The following ST18 variants were observed in gnomAD, a reference collection of about 807,000 sequenced individuals.
ST18 encodes the protein suppression of tumorigenicity 18 protein.
Under a neutral mutation model 110.0 loss-of-function variants are expected in ST18, and 50 were observed. The ratio of observed to expected loss-of-function variants is 0.45; its 90% CI spans 0.36 to 0.58. The LOEUF (loss-of-function observed/expected upper bound fraction) is 0.58, where lower values mean the gene tolerates loss of function less well. Ranked by LOEUF, ST18 falls within the 20% of genes least tolerant of loss-of-function variation. The pLI is 0.00. For synonymous variants in ST18, 461 were observed against 452.4 expected, an observed-to-expected ratio of 1.02 and a Z score of -0.24; for missense variants, 1,306 against 1,280.1, an observed-to-expected ratio of 1.02 and a Z score of -0.31.
At chr8:52,173,865 T>C (rs1563865084) in intron 9 of ST18, among the ~76,000 whole-genome samples, 1 of 151,828 alleles carries the variant, frequency 6.6e-6, no homozygotes, top group Non-Finnish European at 1.5e-5. Flanking sequence ...AGGGAGAGAG[T>C]GTCTGTGCGG....
intron 2 of ST18, among the ~76,000 whole-genome samples, chr8:52,236,493 C>T (rs1032755208): frequency 6.6e-6 from 1 of 151,828 alleles, no homozygotes; most frequent in African/African-American, 2.4e-5. Flanking sequence ...GCCTGTAATC[C>T]CAGCTACTTG....
At chr8:52,298,033 C>G (rs571709459) in intron 2 of ST18, among the ~76,000 whole-genome samples, 1 of 152,332 alleles carries the variant, frequency 6.6e-6, no homozygotes, top group East Asian at 1.9e-4. Flanking sequence ...CTCTCTACTT[C>G]TAAACTGACA....
intron 17 of ST18, among the ~76,000 whole-genome samples, chr8:52,142,570 T>C (rs2055576287): frequency 6.6e-6 from 1 of 152,152 alleles, no homozygotes; most frequent in Non-Finnish European, 1.5e-5. Context: ...AGAACCCCTT[T>C]GAAAATGTGA....
chr8:52,148,953 C>T (rs943129239), intron 16 of ST18, among the ~76,000 whole-genome samples: 14 of 152,148 alleles, frequency 9.2e-5, no homozygotes, highest in East Asian at 1.9e-4. Context: ...CAACAACTTC[C>T]CTGACAAAGA....
chr8:52,132,752 G>A (rs1233758038), intron 21 of ST18, among the ~76,000 whole-genome samples: 1 of 152,034 alleles, frequency 6.6e-6, no homozygotes, highest in Non-Finnish European at 1.5e-5. Flanking sequence ...AAAGTTTCGG[G>A]GGAAAATGCT....
intron 23 of ST18, among the ~76,000 whole-genome samples, chr8:52,124,434 A>G (rs1306964779): frequency 6.6e-6 from 1 of 152,122 alleles, no homozygotes; most frequent in Non-Finnish European, 1.5e-5. Flanking sequence ...TCGGCCTCCC[A>G]AAGTGCTGGG....
In ST18 at chr8:52,133,738, ATTG is replaced by A. The variant is rs201072042; in HGVS notation, c.2301-440_2301-438del. Among the ~76,000 whole-genome samples, 575 of 146,742 alleles carry A rather than the reference ATTG, an allele frequency of 3.9e-3. 1 individual carries two copies. The highest frequency in any genetic ancestry group is 0.015 in the African/African-American group (561 of 38,014). On this transcript the variant is annotated intron_variant, in intron 19 of 25. Transcript: ENST00000689386. ...TATTATTATTATTATTATTATTATT[ATTG>A]TTATTATTGAGACAAAGTCTCGCTC...
intron 13 of ST18, among the ~76,000 whole-genome samples, chr8:52,161,846 C>A (rs1377323505): frequency 6.6e-6 from 1 of 152,224 alleles, no homozygotes; most frequent in Non-Finnish European, 1.5e-5. Context: ...ATCCTCCATT[C>A]ATCTTATGAA....
At chr8:52,242,932 C>T (rs1280709438) in intron 2 of ST18, among the ~76,000 whole-genome samples, 1 of 150,924 alleles carries the variant, frequency 6.6e-6, no homozygotes, top group Non-Finnish European at 1.5e-5. Flanking sequence ...TTTTATTATT[C>T]TTATTATTGG....
intron 10 of ST18, 61 bp downstream of exon 10, chr8:52,171,731 A>C: frequency 6.4e-7 from 1 of 1,554,214 alleles, no homozygotes; most frequent in Non-Finnish European, 8.8e-7. Context: ...ATCAAATCTG[A>C]CTTTTTTTTC....
At chr8:52,148,325 T>G (rs750223716) in intron 16 of ST18, among the ~76,000 whole-genome samples, 1 of 152,132 alleles carries the variant, frequency 6.6e-6, no homozygotes, top group Non-Finnish European at 1.5e-5. Context: ...TATGACAGAA[T>G]CTAATCAAAA....
chr8:52,294,955 TA>T (rs1414982773), intron 2 of ST18, among the ~76,000 whole-genome samples: 1 of 152,198 alleles, frequency 6.6e-6, no homozygotes, highest in East Asian at 1.9e-4. Context: ...CTTTATCTCT[TA>T]AAACAAATAT....
At chr8:52,257,535 T>C (rs1025728491) in intron 2 of ST18, among the ~76,000 whole-genome samples, 5 of 152,330 alleles carry the variant, frequency 3.3e-5, no homozygotes, top group Admixed American at 2.0e-4. Context: ...TAATGACTAA[T>C]GACACTAGCA....
chr8:52,161,578 G>A lies in ST18; in HGVS notation c.1401-10C>T. On this transcript the variant is annotated splice_polypyrimidine_tract_variant and intron_variant, in intron 13 of 25. Coordinates refer to ENST00000689386, the MANE Select transcript of ST18 (RefSeq NM_001352837.2). ...CTTCACCAAACTTGTCCTGGAGAGGGGGGTGAAGCAGTTCAAAAGAAATAC... is the reference window on the plus strand; with the variant it reads ...CTTCACCAAACTTGTCCTGGAGAGGAGGGTGAAGCAGTTCAAAAGAAATAC... 2.5e-6 allele frequency: 4 copies of A among 1,613,336 alleles called. No individual in the cohort carries two copies. The African/African-American group carries it at 5.3e-5, about 22-fold the overall frequency.
At chr8:52,222,247 G>A (rs748190352) in intron 3 of ST18, among the ~76,000 whole-genome samples, 3 of 152,150 alleles carry the variant, frequency 2.0e-5, no homozygotes, top group Non-Finnish European at 2.9e-5. Context: ...ATTAGCATTC[G>A]AATAAGCACA....
chr8:52,125,974 C>A lies in ST18; in HGVS notation c.2755+78G>T. ...AATTATGCTTCCCACCTAGAGAATACTTTGACACACGGAACGCTTTGGGGA... is the reference window on the plus strand; with the variant it reads ...AATTATGCTTCCCACCTAGAGAATAATTTGACACACGGAACGCTTTGGGGA... On this transcript the variant is annotated intron_variant, in intron 23 of 25. Coordinates refer to ENST00000689386, the MANE Select transcript of ST18 (RefSeq NM_001352837.2). 26 of 1,117,182 alleles carry A rather than the reference C, an allele frequency of 2.3e-5. 1 individual carries two copies. The South Asian group carries it at 3.9e-4, about 17-fold the overall frequency. 69.2% of individuals were successfully genotyped at this position (1,117,182 alleles called of 1,614,324 possible).
chr8:52,312,333 C>T (rs915591985), intron 2 of ST18, among the ~76,000 whole-genome samples: 1 of 152,196 alleles, frequency 6.6e-6, no homozygotes, highest in Non-Finnish European at 1.5e-5. Context: ...TGTTAACAGG[C>T]TGCCTCCAGT....
At chr8:52,218,970 G>A (rs773795240) in intron 5 of ST18, among the ~76,000 whole-genome samples, 12 of 151,812 alleles carry the variant, frequency 7.9e-5, no homozygotes, top group East Asian at 7.7e-4. Context: ...CAAAAATCAC[G>A]TTTTTTAAAA....
chr8:52,398,327 C>T (rs60613105), intron 2 of ST18, among the ~76,000 whole-genome samples: 88,208 of 152,034 alleles, frequency 0.58, 28,859 homozygotes, highest in Non-Finnish European at 0.72. Flanking sequence ...GTGGAATCTA[C>T]GGGGCTTTCT....
Sources: gnomAD v4.1 joint callset for allele counts (sites outside exome capture counted in the v4.1 genomes callset) on GRCh38, gnomAD v4.1.1 for gene constraint, MANE v1.5 for transcripts, NCBI Gene and HGNC (gene_info 2026-07-23, HGNC 2026-07-21) for gene names.